The following SLC24A4 variants were observed in gnomAD, a reference collection of about 807,000 sequenced individuals.
SLC24A4 encodes the protein solute carrier family 24 member 4, also known as sodium/potassium/calcium exchanger 4.
In SLC24A4, 53 loss-of-function variants were observed where a neutral mutation model predicts 79.0. The observed-to-expected ratio is 0.67, with a 90% CI of 0.54 to 0.84. The LOEUF (loss-of-function observed/expected upper bound fraction) is 0.84. SLC24A4 is among the 40% of genes least tolerant of loss of function. The pLI is 0.00. For missense variants in SLC24A4, 731 were observed against 822.0 expected, an observed-to-expected ratio of 0.89 and a Z score of 1.35; for synonymous variants, 323 against 323.8, an observed-to-expected ratio of 1.00 and a Z score of 0.03.
chr14:92,487,815 C>T lies in SLC24A4; in HGVS notation c.1537+1035C>T, dbSNP rs1392357047. On this transcript the variant is annotated intron_variant, in intron 14 of 16. Transcript: ENST00000532405. ...TCAGGTGTCAGCAGGGCCATGGTCCCTTGAAGGCTCTAGGGGAGGAACCTT... is the reference window on the plus strand; with the variant it reads ...TCAGGTGTCAGCAGGGCCATGGTCCTTTGAAGGCTCTAGGGGAGGAACCTT... Among the ~76,000 whole-genome samples the T allele has an allele frequency of 2.0e-5, 3 of 152,248 alleles. No individual in the cohort carries two copies. In the East Asian group the frequency reaches 5.8e-4, roughly 29 times the overall value.
chr14:92,343,658 TTCC>T (rs1566700252), intron 2 of SLC24A4, among the ~76,000 whole-genome samples: 52 of 110,272 alleles, frequency 4.7e-4, no homozygotes, highest in African/African-American at 1.9e-3. Context: ...CCTTCTTTCC[TTCC>T]TTCCTTCCTT....
chr14:92,396,875 C>T (rs1361873236), intron 2 of SLC24A4, among the ~76,000 whole-genome samples: 1 of 152,190 alleles, frequency 6.6e-6, no homozygotes, highest in Non-Finnish European at 1.5e-5. Flanking sequence ...GCACTCCCTC[C>T]CACAAGACTT....
At chr14:92,483,658 C>T (rs1706623120) in intron 13 of SLC24A4, 8 of 1,159,276 alleles carry the variant, frequency 6.9e-6, no homozygotes, top group Non-Finnish European at 9.2e-6. Context: ...GGTCAGGCCA[C>T]ACAGGAGCCT....
intron 2 of SLC24A4, among the ~76,000 whole-genome samples, chr14:92,421,517 TG>T (rs1891280138): frequency 6.6e-6 from 1 of 152,172 alleles, no homozygotes; most frequent in Admixed American, 6.5e-5. Context: ...TTTTTGTTTT[TG>T]TTTTTTTGAG....
intron 2 of SLC24A4, among the ~76,000 whole-genome samples, chr14:92,328,077 GA>G (rs11293242): frequency 1 from 152,299 of 152,300 alleles, 76,149 homozygotes; most frequent in Non-Finnish European, 1. Flanking sequence ...TGGGCAGCTG[GA>G]AACATACTGG....
intron 8 of SLC24A4, among the ~76,000 whole-genome samples, chr14:92,446,830 G>C (rs145165498): frequency 6.6e-6 from 1 of 152,228 alleles, no homozygotes; most frequent in Non-Finnish European, 1.5e-5. Flanking sequence ...CCAGAGGGTA[G>C]TAATGGTTGC....
chr14:92,491,715 A>G lies in SLC24A4; in HGVS notation c.1588A>G (p.Ile530Val), dbSNP rs945734118. The change falls in exon 15 of 17, where the codon ATC (isoleucine) becomes GTC (valine). Residue 530 changes from isoleucine (I) to valine (V), a missense_variant. Transcript: ENST00000532405. ...CACCATAGGAAGCAACGTGTTTGAC[A>G]TCCTGGTAGGACTTGGTGTACCGTG... ...SNTIGSNVFDILVGLGVPWGL... is the reference protein window; with the variant it reads ...SNTIGSNVFDVLVGLGVPWGL... The G allele has an allele frequency of 1.7e-5, 27 of 1,613,904 alleles. 1 individual carries two copies.
intron 2 of SLC24A4, among the ~76,000 whole-genome samples, chr14:92,397,500 T>G (rs1889844811): frequency 6.6e-6 from 1 of 152,202 alleles, no homozygotes; most frequent in South Asian, 2.1e-4. Flanking sequence ...GGAAGGAGCT[T>G]TTTGCATGAA....
At chr14:92,411,598 A>G (rs1890719144) in intron 2 of SLC24A4, among the ~76,000 whole-genome samples, 1 of 152,162 alleles carries the variant, frequency 6.6e-6, no homozygotes. Flanking sequence ...AAGTCCCTGT[A>G]GTTCATGGTT....
chr14:92,362,680 A>G (rs1412245595), intron 2 of SLC24A4, among the ~76,000 whole-genome samples: 1 of 152,214 alleles, frequency 6.6e-6, no homozygotes, highest in Non-Finnish European at 1.5e-5. Flanking sequence ...ACCCCGTCAC[A>G]GTGATCCCCC....
intron 2 of SLC24A4, among the ~76,000 whole-genome samples, chr14:92,411,653 G>A (rs973205482): frequency 1.3e-5 from 2 of 152,150 alleles, no homozygotes; most frequent in African/African-American, 4.8e-5. Flanking sequence ...AATCCATATT[G>A]TCTCCTGAAG....
chr14:92,368,430 G>A (rs944372360), intron 2 of SLC24A4, among the ~76,000 whole-genome samples: 2 of 152,110 alleles, frequency 1.3e-5, no homozygotes, highest in Non-Finnish European at 2.9e-5. Flanking sequence ...GGAGACATCT[G>A]GAAGGAGGGT....
In SLC24A4 at chr14:92,407,381, C is replaced by T. The variant is rs140942538; in HGVS notation, c.242-26531C>T. Among the ~76,000 whole-genome samples the T allele has an allele frequency of 6.2e-4, 94 of 152,304 alleles. 2 individuals carry two copies. The highest frequency in any genetic ancestry group is 2.1e-3 in the African/African-American group (88 of 41,560). ...AACTGTTCCAACGTCTGCCCATTACCCAATTCCAAACTTGCTTCCACATTT... is the reference window on the plus strand; with the variant it reads ...AACTGTTCCAACGTCTGCCCATTACTCAATTCCAAACTTGCTTCCACATTT... On this transcript the variant is annotated intron_variant, in intron 2 of 16. Coordinates refer to ENST00000532405, the MANE Select transcript of SLC24A4 (RefSeq NM_153646.4).
rs1384313840 is a variant in SLC24A4, at chr14:92,393,839, T to C, written c.242-40073T>C. 2.0e-5 allele frequency among the ~76,000 whole-genome samples: 3 copies of C among 151,866 alleles called. No homozygotes were observed. The East Asian group carries it at 5.9e-4, about 30-fold the overall frequency. ...CAGCCTGGCCAGCCTGGTGAAACCC[T>C]GTCTCTACTAAAAATACAAAAATTA... On this transcript the variant is annotated intron_variant, in intron 2 of 16. Coordinates refer to ENST00000532405, the MANE Select transcript of SLC24A4 (RefSeq NM_153646.4).
chr14:92,351,614 C>T (rs957967546), intron 2 of SLC24A4, among the ~76,000 whole-genome samples: 8 of 152,064 alleles, frequency 5.3e-5, no homozygotes, highest in Non-Finnish European at 7.4e-5. Flanking sequence ...CCCAGAACTT[C>T]GGGAGGCCGA....
chr14:92,477,725 A>T (rs1425310147), intron 12 of SLC24A4, among the ~76,000 whole-genome samples: 1 of 150,928 alleles, frequency 6.6e-6, no homozygotes, highest in Non-Finnish European at 1.5e-5. Flanking sequence ...AAAGTGCAGG[A>T]TCGTAGGCAT....
At chr14:92,439,299 C>A in intron 3 of SLC24A4, 36 bp from the exon 4 acceptor site, 1 of 1,585,588 alleles carries the variant, frequency 6.3e-7, no homozygotes, top group Non-Finnish European at 8.7e-7. Context: ...AGCAGGGACC[C>A]TCACCGACCC....
chr14:92,341,938 C>G (rs1886166751), intron 2 of SLC24A4, among the ~76,000 whole-genome samples: 1 of 152,114 alleles, frequency 6.6e-6, no homozygotes, highest in Admixed American at 6.5e-5. Context: ...CTTGTTTTTT[C>G]CTTAGCCAGC....
At chr14:92,423,754 A>G (rs1891416285) in intron 2 of SLC24A4, among the ~76,000 whole-genome samples, 1 of 152,228 alleles carries the variant, frequency 6.6e-6, no homozygotes, top group African/African-American at 2.4e-5. Context: ...CAGGGAAGAA[A>G]GGGCAGGCTT....
Sources: gnomAD v4.1 joint callset for allele counts (sites outside exome capture counted in the v4.1 genomes callset) on GRCh38, gnomAD v4.1.1 for gene constraint, MANE v1.5 for transcripts, NCBI Gene and HGNC (gene_info 2026-07-23, HGNC 2026-07-21) for gene names.